Variants in EPS15 observed in about 807,000 individuals in gnomAD.
EPS15 encodes epidermal growth factor receptor pathway substrate 15, also known as epidermal growth factor receptor substrate 15.
Under a neutral mutation model 113.8 loss-of-function variants are expected in EPS15, and 72 were observed. The ratio of observed to expected loss-of-function variants is 0.63; its 90% CI spans 0.52 to 0.77. The LOEUF (loss-of-function observed/expected upper bound fraction) is 0.77. Ranked by LOEUF, EPS15 falls within the 30% of genes least tolerant of loss-of-function variation. EPS15 has a pLI of 0.00. For missense variants in EPS15, 1,048 were observed against 1,045.8 expected, an observed-to-expected ratio of 1.00 and a Z score of -0.03; for synonymous variants, 344 against 363.4, an observed-to-expected ratio of 0.95 and a Z score of 0.61.
chr1:51,465,125 C>A, intron 6 of EPS15, 136 bp downstream of exon 6: 2 of 494,538 alleles, frequency 4.0e-6, no homozygotes, highest in Non-Finnish European at 3.6e-6. Context: ...CTCAGAAACA[C>A]CAGTAACAGC....
intron 1 of EPS15, 81 bp downstream of exon 1, chr1:51,519,118 G>T (rs1047889924): frequency 4.0e-6 from 4 of 1,010,064 alleles, no homozygotes; most frequent in Admixed American, 3.4e-5. Context: ...TGGCCCACAA[G>T]CCAAGAAGTC....
intron 8 of EPS15, among the ~76,000 whole-genome samples, chr1:51,457,357 G>A (rs1654082590): frequency 6.6e-6 from 1 of 151,754 alleles, no homozygotes; most frequent in South Asian, 2.1e-4. Flanking sequence ...TAATCTAAAG[G>A]ACTCATTTTG....
At chr1:51,430,335 G>A (rs1353105302) in intron 12 of EPS15, among the ~76,000 whole-genome samples, 1 of 152,042 alleles carries the variant, frequency 6.6e-6, no homozygotes, top group African/African-American at 2.4e-5. Context: ...TTGGGAGGCC[G>A]AGGTGGGCAG....
intron 3 of EPS15, among the ~76,000 whole-genome samples, chr1:51,472,467 T>C (rs980991252): frequency 6.6e-6 from 1 of 152,192 alleles, no homozygotes; most frequent in Non-Finnish European, 1.5e-5. Flanking sequence ...CACCTCTTTG[T>C]GCTCTTTTTA....
intron 1 of EPS15, among the ~76,000 whole-genome samples, chr1:51,492,978 A>AG (rs1239077357): frequency 6.6e-6 from 1 of 152,186 alleles, no homozygotes; most frequent in Non-Finnish European, 1.5e-5. Flanking sequence ...CTGTAATCCC[A>AG]GCACTTTGGG....
At chr1:51,466,418 T>TC (rs1654843976) in intron 5 of EPS15, among the ~76,000 whole-genome samples, 1 of 151,596 alleles carries the variant, frequency 6.6e-6, no homozygotes, top group Non-Finnish European at 1.5e-5. Context: ...GGTCAGGAGT[T>TC]CGAGACCAGC....
Position 51,473,205 on chromosome 1 carries a change from G to A in EPS15, c.76-257C>T, listed in dbSNP as rs150142429. ...TGAGAAAAGTGAAGCTCAGAGGATT[G>A]TCAAAGCAAATTCGTGGGGTTGTAA... On this transcript the variant is annotated intron_variant, in intron 2 of 24. Transcript: ENST00000371733. Among the ~76,000 whole-genome samples the A allele has an allele frequency of 1.7e-4, 26 of 152,298 alleles. No homozygotes were observed. In the East Asian group the frequency reaches 3.9e-3, roughly 23 times the overall value.
At chr1:51,426,821 C>CTG in intron 12 of EPS15, among the ~76,000 whole-genome samples, 1 of 140,432 alleles carries the variant, frequency 7.1e-6, no homozygotes, top group East Asian at 2.0e-4. Flanking sequence ...AAATCTGTCT[C>CTG]TCTCTCTCTC....
chr1:51,481,690 GTACCTATGAA>G (rs1644023027), intron 1 of EPS15, among the ~76,000 whole-genome samples: 2 of 152,258 alleles, frequency 1.3e-5, no homozygotes, highest in Admixed American at 1.3e-4. Flanking sequence ...AGTACCCAAA[GTACCTATGAA>G]TACATTTCAA....
chr1:51,467,157 G>A (rs191558066), intron 5 of EPS15, among the ~76,000 whole-genome samples: 3 of 152,292 alleles, frequency 2.0e-5, no homozygotes, highest in African/African-American at 7.2e-5. Flanking sequence ...AAACCGCAAA[G>A]ATCTAAAAGT....
At chr1:51,478,824 A>C (rs4304638) in intron 2 of EPS15, among the ~76,000 whole-genome samples, 9,454 of 152,208 alleles carry the variant, frequency 0.062, 309 homozygotes, top group Non-Finnish European at 0.075. Context: ...CCAAGAGATC[A>C]GCTGTTAGTC....
intron 7 of EPS15, among the ~76,000 whole-genome samples, chr1:51,461,550 G>A (rs1290933605): frequency 2.8e-5 from 4 of 140,686 alleles, no homozygotes; most frequent in Non-Finnish European, 4.6e-5. Flanking sequence ...AAAAAAAAGT[G>A]TACTGTTGAG....
At position 51,355,861 on chromosome 1, in the gene EPS15, G is replaced by A. The variant is rs1646206849; in HGVS notation, c.*839C>T. On this transcript the variant is annotated 3_prime_UTR_variant, in exon 25 of 25. Coordinates refer to ENST00000371733, the MANE Select transcript of EPS15 (RefSeq NM_001981.3). ...AAAGGCAGAATGGCTGCCATGTTAAGACTTTTGCTTGCCTTATACTGATGG... is the reference window on the plus strand; with the variant it reads ...AAAGGCAGAATGGCTGCCATGTTAAAACTTTTGCTTGCCTTATACTGATGG... 3 of 198,898 alleles carry A rather than the reference G, an allele frequency of 1.5e-5. No individual in the cohort carries two copies. Among genetic ancestry groups the A allele is most frequent in the African/African-American group, 2.3e-5 (1 of 43,436 alleles). The allele number at this position is 198,898 out of a possible 1,614,324, so 12.3% of individuals were successfully genotyped here. A position where few individuals can be genotyped will look rare whatever the true frequency, so the allele number is the denominator to read the frequency against.
chr1:51,512,429 A>T (rs189987647), intron 1 of EPS15, among the ~76,000 whole-genome samples: 1 of 152,310 alleles, frequency 6.6e-6, no homozygotes, highest in African/African-American at 2.4e-5. Flanking sequence ...CTCTAAGAGA[A>T]AAGACTGACA....
At chr1:51,495,267 G>T (rs969825873) in intron 1 of EPS15, among the ~76,000 whole-genome samples, 1 of 152,134 alleles carries the variant, frequency 6.6e-6, no homozygotes, top group South Asian at 2.1e-4. Flanking sequence ...TGTTAGAATT[G>T]ATGTTTCCTG....
At chr1:51,386,453 G>A (rs1647076287) in intron 21 of EPS15, among the ~76,000 whole-genome samples, 2 of 152,194 alleles carry the variant, frequency 1.3e-5, no homozygotes. Context: ...GCGGTCAGCA[G>A]CATTTGCGGT....
chr1:51,409,731 T>C, intron 13 of EPS15, 35 bp from the exon 14 acceptor site: 2 of 1,484,308 alleles, frequency 1.3e-6, no homozygotes, highest in Non-Finnish European at 1.9e-6. Flanking sequence ...TTTATTTTCT[T>C]TGCGGGCAGG....
chr1:51,490,551 C>T lies in EPS15; in HGVS notation c.34-9237G>A, dbSNP rs371353509. On this transcript the variant is annotated intron_variant, in intron 1 of 24. Transcript: ENST00000371733. Reference sequence around the variant, plus strand: ...TTGCACTCCCGCCTGGGCAACAGTGCGAGACTCCATCTCAAAAAAAAAAAA... The same window carrying T: ...TTGCACTCCCGCCTGGGCAACAGTGTGAGACTCCATCTCAAAAAAAAAAAA... 5.6e-4 allele frequency among the ~76,000 whole-genome samples: 66 copies of T among 117,102 alleles called. No individual in the cohort carries two copies. The East Asian group carries it at 0.011, about 19-fold the overall frequency. 76.8% of individuals were successfully genotyped at this position (117,102 alleles called of 152,430 possible).
chr1:51,376,305 T>A (rs754598590), intron 21 of EPS15, among the ~76,000 whole-genome samples: 1 of 152,250 alleles, frequency 6.6e-6, no homozygotes, highest in Non-Finnish European at 1.5e-5. Flanking sequence ...GTTTATGGCA[T>A]GTTTTACTGA....
Sources: gnomAD v4.1 joint callset for allele counts (sites outside exome capture counted in the v4.1 genomes callset) on GRCh38, gnomAD v4.1.1 for gene constraint, MANE v1.5 for transcripts, NCBI Gene and HGNC (gene_info 2026-07-23, HGNC 2026-07-21) for gene names.